The following THAP6 variants were observed in gnomAD, a reference collection of about 807,000 sequenced individuals.
THAP6 encodes THAP domain containing 6.
THAP6 carries 13 observed loss-of-function variants against 20.0 expected under a neutral mutation model. The observed-to-expected ratio is 0.65, with a 90% CI of 0.42 to 1.03. THAP6 has a LOEUF of 1.03. Among genes scored for constraint, THAP6 ranks in the 50% least tolerant of loss-of-function variants. THAP6 has a pLI of 0.00. For synonymous variants in THAP6, 93 were observed against 92.2 expected (o/e 1.01, Z -0.05); for missense variants, 262 against 261.6 (o/e 1.00, Z -0.01).
At chr4:75,515,557 A>G in intron 2 of THAP6, 25 bp downstream of exon 2, 1 of 1,608,074 alleles carries the variant, frequency 6.2e-7, no homozygotes, top group Non-Finnish European at 8.5e-7. Context: ...TAGTTAAGCC[A>G]AATACTTTGG....
chr4:75,517,075 G>A lies in THAP6; in HGVS notation c.288+96G>A. 3 of 899,850 alleles carry A rather than the reference G, an allele frequency of 3.3e-6. No individual in the cohort carries two copies. In the East Asian group the frequency reaches 8.0e-5, roughly 24 times the overall value. 55.7% of individuals were successfully genotyped at this position (899,850 alleles called of 1,614,324 possible). Reference sequence around the variant, plus strand: ...GCTCTGTCACCAAGGCTGGAGTGCAGTGGCGCGATCTCAGCTCACTGCAAT... The same window carrying A: ...GCTCTGTCACCAAGGCTGGAGTGCAATGGCGCGATCTCAGCTCACTGCAAT... On this transcript the variant is annotated intron_variant, in intron 3 of 4. Transcript: ENST00000311638.
chr4:75,524,085 A>G (rs1726216627), intron 4 of THAP6, among the ~76,000 whole-genome samples: 1 of 151,770 alleles, frequency 6.6e-6, no homozygotes, highest in Non-Finnish European at 1.5e-5. Flanking sequence ...AGGTGTGTGG[A>G]TTTGTTTCTG....
At chr4:75,523,566 G>A (rs1578267868) in intron 4 of THAP6, among the ~76,000 whole-genome samples, 1 of 152,196 alleles carries the variant, frequency 6.6e-6, no homozygotes, top group Non-Finnish European at 1.5e-5. Context: ...CACTTTGGGA[G>A]GCCAAGGTGG....
Position 75,527,842 on chromosome 4 carries a change from C to T in THAP6, c.*628C>T, listed in dbSNP as rs942056093. On this transcript the variant is annotated 3_prime_UTR_variant, in exon 5 of 5. Coordinates refer to ENST00000311638, the MANE Select transcript of THAP6 (RefSeq NM_144721.6). ...TGAAGTCTCAGTTTTCAGTACAGTA[C>T]ATCATTCCTCCTCACTAGGAGCACT... 3.0e-6 allele frequency: 3 copies of T among 985,540 alleles called. No homozygotes were observed. The highest frequency in any genetic ancestry group is 3.6e-6 in the Non-Finnish European group (3 of 830,032). The allele number at this position is 985,540 out of a possible 1,614,324, so 61.0% of individuals were successfully genotyped here.
chr4:75,533,920 C>T (rs915888905), downstream of THAP6, among the ~76,000 whole-genome samples: 14 of 151,918 alleles, frequency 9.2e-5, no homozygotes, highest in Admixed American at 3.9e-4. Flanking sequence ...CTCCCCCCAC[C>T]GCACAACAGG....
chr4:75,528,011 A>C lies in THAP6; in HGVS notation c.*797A>C, dbSNP rs1726487697. 1 of 985,362 alleles carries C rather than the reference A, an allele frequency of 1.0e-6. No individual in the cohort carries two copies. The highest frequency in any genetic ancestry group is 1.7e-5 in the African/African-American group (1 of 57,374). The allele number at this position is 985,362 out of a possible 1,614,324, so 61.0% of individuals were successfully genotyped here. On this transcript the variant is annotated 3_prime_UTR_variant, in exon 5 of 5. Coordinates refer to ENST00000311638, the MANE Select transcript of THAP6 (RefSeq NM_144721.6). ...ATATGTTTAAAATCTGAATGGCAGT[A>C]CTAGCTCTATACTTTTAATACTGCT...
intron 3 of THAP6, among the ~76,000 whole-genome samples, chr4:75,518,619 C>G (rs1477113032): frequency 6.6e-6 from 1 of 152,054 alleles, no homozygotes; most frequent in African/African-American, 2.4e-5. Flanking sequence ...AGGGTCACAC[C>G]TCTATTAAAT....
At chr4:75,537,127 G>A (rs1285362440) in intron 2 of THAP6, among the ~76,000 whole-genome samples, 1 of 152,038 alleles carries the variant, frequency 6.6e-6, no homozygotes, top group Non-Finnish European at 1.5e-5. Flanking sequence ...AAAAATATGA[G>A]TATGGGCAGA....
rs1388414133 is a variant in THAP6, at chr4:75,528,347, A to G, written c.*1133A>G. ...TAATTCCTTACCGAAAACAACTGAA[A>G]TTGAGAGTCATAAATACTGTGGGTT... On this transcript the variant is annotated 3_prime_UTR_variant, in exon 5 of 5. Transcript: ENST00000311638. 6.1e-6 allele frequency: 6 copies of G among 985,326 alleles called. No individual in the cohort carries two copies. Among genetic ancestry groups the G allele is most frequent in the Non-Finnish European group, 7.2e-6 (6 of 829,934 alleles). 61.0% of individuals were successfully genotyped at this position (985,326 alleles called of 1,614,324 possible).
At chr4:75,542,923 T>TG (rs1727046311) in intron 3 of THAP6, 1 of 158,564 alleles carries the variant, frequency 6.3e-6, no homozygotes, top group Admixed American at 6.2e-5. Context: ...AAGCCCATAG[T>TG]TACTCATTAC....
At chr4:75,535,210 A>G (rs763473101) in intron 2 of THAP6, among the ~76,000 whole-genome samples, 2 of 152,208 alleles carry the variant, frequency 1.3e-5, no homozygotes, top group African/African-American at 4.8e-5. Flanking sequence ...TTCATCTCCA[A>G]CTGGGTCCCT....
chr4:75,537,041 A>G (rs1726878101), intron 2 of THAP6, among the ~76,000 whole-genome samples: 1 of 152,226 alleles, frequency 6.6e-6, no homozygotes, highest in Admixed American at 6.5e-5. Flanking sequence ...ACCTAATTAG[A>G]AAGCTTAAAA....
chr4:75,521,834 TGAA>T lies in THAP6; in HGVS notation c.391_393del (p.Glu131del), dbSNP rs1726053960. ...ATCTTGTTGGTGCTTCCTCATGTAT[TGAA>T]GAATTCCAATCCCAGTTCATTTTTG... On this transcript the variant is annotated inframe_deletion, in exon 4 of 5. Coordinates refer to ENST00000311638, the MANE Select transcript of THAP6 (RefSeq NM_144721.6). 3 of 1,613,426 alleles carry T rather than the reference TGAA, an allele frequency of 1.9e-6. No individual in the cohort carries two copies. In the Admixed American group the frequency reaches 5.0e-5, roughly 27 times the overall value.
chr4:75,532,242 A>G (rs1315832340), downstream of THAP6, among the ~76,000 whole-genome samples: 1 of 152,250 alleles, frequency 6.6e-6, no homozygotes, highest in African/African-American at 2.4e-5. Context: ...CAAAGAGGCT[A>G]CAGGCCCCAT....
At chr4:75,516,720 T>C in intron 2 of THAP6, 52 bp from the exon 3 acceptor site, 1 of 1,502,318 alleles carries the variant, frequency 6.7e-7, no homozygotes. Flanking sequence ...TTTAATTCAA[T>C]TATATAGCAA....
At chr4:75,520,258 A>G (rs1393692654) in intron 3 of THAP6, among the ~76,000 whole-genome samples, 3 of 151,718 alleles carry the variant, frequency 2.0e-5, no homozygotes, top group South Asian at 4.2e-4. Context: ...GGTTGCGAAA[A>G]TTTTCTCCCA....
intron 3 of THAP6, chr4:75,542,517 T>G (rs948865508): frequency 5.7e-6 from 4 of 699,840 alleles, no homozygotes; most frequent in South Asian, 4.5e-5. Context: ...CACTTAAACT[T>G]TATTAACTCA....
intron 2 of THAP6, among the ~76,000 whole-genome samples, chr4:75,536,100 C>A (rs773231480): frequency 6.6e-5 from 10 of 152,178 alleles, no homozygotes; most frequent in Non-Finnish European, 1.3e-4. Flanking sequence ...ATGCATATAT[C>A]AATAATTATA....
chr4:75,524,301 ATTG>A (rs1726228791), intron 4 of THAP6, among the ~76,000 whole-genome samples: 2 of 152,130 alleles, frequency 1.3e-5, no homozygotes, highest in South Asian at 2.1e-4. Flanking sequence ...CCACACCATT[ATTG>A]TTATTATTTT....
Sources: allele counts gnomAD v4.1 joint callset (sites outside exome capture counted in the v4.1 genomes callset), GRCh38; gene constraint gnomAD v4.1.1; transcripts MANE v1.5; gene names NCBI Gene and HGNC (gene_info 2026-07-23, HGNC 2026-07-21).